CAMK1D: variants seen among roughly 807,000 people sequenced by gnomAD.
The protein encoded by CAMK1D is calcium/calmodulin dependent protein kinase ID.
Under a neutral mutation model 47.7 loss-of-function variants are expected in CAMK1D, and 9 were observed. The ratio of observed to expected loss-of-function variants is 0.19; its 90% CI spans 0.11 to 0.33. The LOEUF (loss-of-function observed/expected upper bound fraction) is 0.33, where lower values mean the gene tolerates loss of function less well. CAMK1D is among the 10% of genes least tolerant of loss of function. The probability of loss-of-function intolerance (pLI) is 1.00; values close to 1 mark genes in which losing one functional copy is unlikely to be tolerated. For missense variants in CAMK1D, 291 were observed against 488.7 expected (o/e 0.60, Z 3.81); for synonymous variants, 184 against 184.9 (o/e 0.99, Z 0.04).
intron 3 of CAMK1D, among the ~76,000 whole-genome samples, chr10:12,700,361 C>T (rs1265722314): frequency 6.6e-6 from 1 of 152,108 alleles, no homozygotes; most frequent in Non-Finnish European, 1.5e-5. Flanking sequence ...AAGTGCTGTG[C>T]AAGAGGGAGA....
intron 1 of CAMK1D, among the ~76,000 whole-genome samples, chr10:12,480,299 A>G (rs12775749): frequency 0.14 from 20,710 of 152,088 alleles, 1,538 homozygotes; most frequent in Non-Finnish European, 0.18. Flanking sequence ...GCTGGACGTG[A>G]TAGCGCACGC....
intron 1 of CAMK1D, among the ~76,000 whole-genome samples, chr10:12,499,488 G>C (rs150857462): frequency 6.6e-6 from 1 of 152,294 alleles, no homozygotes; most frequent in East Asian, 1.9e-4. Context: ...TAAACACTTT[G>C]ATGTGGTTGG....
At chr10:12,709,976 A>G (rs1833874698) in intron 3 of CAMK1D, among the ~76,000 whole-genome samples, 1 of 152,214 alleles carries the variant, frequency 6.6e-6, no homozygotes, top group Non-Finnish European at 1.5e-5. Flanking sequence ...GTCAGACTGC[A>G]TAGGTTTGCA....
chr10:12,363,551 A>G, intron 1 of CAMK1D, among the ~76,000 whole-genome samples: 1 of 152,130 alleles, frequency 6.6e-6, no homozygotes, highest in Admixed American at 6.5e-5. Context: ...GATTACTTGT[A>G]ATACCCAATA....
At chr10:12,673,997 G>A (rs1254420640) in intron 3 of CAMK1D, among the ~76,000 whole-genome samples, 1 of 152,068 alleles carries the variant, frequency 6.6e-6, no homozygotes, top group Non-Finnish European at 1.5e-5. Context: ...CCAGGCTGGA[G>A]GGCACTGGCG....
intron 3 of CAMK1D, among the ~76,000 whole-genome samples, chr10:12,676,414 C>T (rs1158715456): frequency 6.6e-6 from 1 of 152,222 alleles, no homozygotes; most frequent in African/African-American, 2.4e-5. Flanking sequence ...TCCCTCTCCC[C>T]AACTTTCTTT....
intron 2 of CAMK1D, among the ~76,000 whole-genome samples, chr10:12,599,895 T>TA (rs1318381810): frequency 6.6e-6 from 1 of 152,162 alleles, no homozygotes; most frequent in African/African-American, 2.4e-5. Context: ...AACAAACAAA[T>TA]AAAAAACCAA....
At chr10:12,394,000 T>C (rs1015157436) in intron 1 of CAMK1D, among the ~76,000 whole-genome samples, 2 of 152,148 alleles carry the variant, frequency 1.3e-5, no homozygotes, top group African/African-American at 4.8e-5. Context: ...ACAAGACCGC[T>C]CCCGACACCC....
At chr10:12,649,507 T>C (rs1396789801) in intron 2 of CAMK1D, among the ~76,000 whole-genome samples, 2 of 152,220 alleles carry the variant, frequency 1.3e-5, no homozygotes, top group Non-Finnish European at 2.9e-5. Flanking sequence ...GGAGAAAATC[T>C]TTCAGACATG....
intron 1 of CAMK1D, among the ~76,000 whole-genome samples, chr10:12,486,275 C>A (rs571467463): frequency 5.9e-5 from 9 of 152,158 alleles, no homozygotes; most frequent in African/African-American, 2.2e-4. Context: ...TCTCCTGCCT[C>A]AGCCTCTGGA....
chr10:12,384,673 T>C (rs1473897709), intron 1 of CAMK1D, among the ~76,000 whole-genome samples: 1 of 152,206 alleles, frequency 6.6e-6, no homozygotes, highest in Non-Finnish European at 1.5e-5. Context: ...TCACACTGTA[T>C]GTAAAAATTA....
At chr10:12,671,718 T>TTATATATTTTATATATATATTTG (rs1840625040) in intron 3 of CAMK1D, among the ~76,000 whole-genome samples, 1 of 151,946 alleles carries the variant, frequency 6.6e-6, no homozygotes, top group South Asian at 2.1e-4. Context: ...TAAGACTGCT[T>TTATATATTTTATATATATATTTG]TATATATTTT....
chr10:12,551,056 A>G (rs1836560786), intron 1 of CAMK1D, among the ~76,000 whole-genome samples: 1 of 152,236 alleles, frequency 6.6e-6, no homozygotes, highest in Non-Finnish European at 1.5e-5. Context: ...TGACTAAAGT[A>G]GGGGTCCCCA....
intron 3 of CAMK1D, among the ~76,000 whole-genome samples, chr10:12,683,982 A>T (rs1832553874): frequency 6.6e-6 from 1 of 152,176 alleles, no homozygotes; most frequent in Admixed American, 6.5e-5. Flanking sequence ...GTTTCATTGC[A>T]TACAAATGTG....
chr10:12,573,369 T>G (rs1294483332), intron 2 of CAMK1D, among the ~76,000 whole-genome samples: 1 of 130,300 alleles, frequency 7.7e-6, no homozygotes, highest in East Asian at 2.2e-4. Context: ...CATGCAGAGC[T>G]GGTTGACTTA....
At chr10:12,520,966 G>A (rs1835397129) in intron 1 of CAMK1D, among the ~76,000 whole-genome samples, 1 of 141,806 alleles carries the variant, frequency 7.1e-6, no homozygotes, top group African/African-American at 2.7e-5. Context: ...GGGAGGGGGA[G>A]GGGGAGAGCT....
At chr10:12,795,591 T>C (rs1041740900) in intron 6 of CAMK1D, among the ~76,000 whole-genome samples, 8 of 152,344 alleles carry the variant, frequency 5.3e-5, no homozygotes, top group African/African-American at 1.9e-4. Context: ...TATTTTTGTT[T>C]GATAAACCTG....
intron 2 of CAMK1D, among the ~76,000 whole-genome samples, chr10:12,584,793 C>T (rs192879059): frequency 4.1e-4 from 63 of 152,204 alleles, no homozygotes; most frequent in Admixed American, 9.2e-4. Context: ...GCACTCCAGC[C>T]TGGGTGACAG....
At chr10:12,526,897 C>CAAAAAAAAA (rs202209844) in intron 1 of CAMK1D, among the ~76,000 whole-genome samples, 63 of 129,806 alleles carry the variant, frequency 4.9e-4, no homozygotes, top group African/African-American at 1.8e-3. Context: ...AACCCTATCT[C>CAAAAAAAAA]AAAAAAAAAA....
Sources: gnomAD v4.1 joint callset for allele counts (sites outside exome capture counted in the v4.1 genomes callset) on GRCh38, gnomAD v4.1.1 for gene constraint, MANE v1.5 for transcripts, NCBI Gene and HGNC (gene_info 2026-07-23, HGNC 2026-07-21) for gene names.